The following SHANK2 variants were observed in gnomAD, a reference collection of about 807,000 sequenced individuals.
SHANK2 encodes the protein SH3 and multiple ankyrin repeat domains protein 2.
A neutral mutation model predicts 133.7 loss-of-function variants in SHANK2; 43 were observed. The ratio of observed to expected loss-of-function variants is 0.32; its 90% confidence interval spans 0.25 to 0.41. SHANK2 has a LOEUF of 0.41. Ranked by LOEUF, SHANK2 falls within the 10% of genes least tolerant of loss-of-function variation. SHANK2 has a pLI of 1.00. For missense variants in SHANK2, 1,994 were observed against 2,235.8 expected, an observed-to-expected ratio of 0.89 and a Z score of 2.18; for synonymous variants, 1,017 against 952.8, an observed-to-expected ratio of 1.07 and a Z score of -1.24.
chr11:71,239,593 T>C (rs1417146480), intron 1 of SHANK2, among the ~76,000 whole-genome samples: 1 of 152,088 alleles, frequency 6.6e-6, no homozygotes, highest in Non-Finnish European at 1.5e-5. Flanking sequence ...CCCGAGAAGC[T>C]GGGACTACAG....
rs566048231 is a variant in SHANK2, at chr11:70,949,372, T to C, written c.1108-52805A>G. Among the ~76,000 whole-genome samples, 6 of 152,186 alleles carry C rather than the reference T, an allele frequency of 3.9e-5. No homozygotes were observed. In the East Asian group the frequency reaches 7.8e-4, roughly 20 times the overall value. The stretch of plus-strand genomic sequence containing the variant: ...CAAGCAGCTCCCCGGGGGCGCATCA[T>C]CTTAGCAAACTCTCCCAGGACCCTG... On this transcript the variant is annotated intron_variant, in intron 10 of 25. Coordinates refer to ENST00000601538, the MANE Select transcript of SHANK2 (RefSeq NM_012309.5).
chr11:70,625,274 C>T (rs559834921), intron 17 of SHANK2, among the ~76,000 whole-genome samples: 98 of 152,260 alleles, frequency 6.4e-4, no homozygotes, highest in Admixed American at 4.3e-3. Flanking sequence ...GGGATGCTCC[C>T]AGACCTTTGG....
chr11:70,659,797 A>G (rs1555012720), intron 17 of SHANK2, 31 bp downstream of exon 17: 3 of 1,613,774 alleles, frequency 1.9e-6, no homozygotes, highest in Admixed American at 3.3e-5. Context: ...GCTCTCCCCA[A>G]GCAGAAAGAT....
chr11:70,775,349 G>T (rs35114034), intron 14 of SHANK2, among the ~76,000 whole-genome samples: 2 of 152,034 alleles, frequency 1.3e-5, no homozygotes, highest in Non-Finnish European at 2.9e-5. Context: ...CCAGCTACTC[G>T]GGAGGGTGAG....
chr11:71,185,898 G>A (rs560924930), intron 2 of SHANK2, among the ~76,000 whole-genome samples: 1 of 152,138 alleles, frequency 6.6e-6, no homozygotes, highest in Non-Finnish European at 1.5e-5. Context: ...CAACCCCAGA[G>A]CCTGGAGAGG....
intron 11 of SHANK2, among the ~76,000 whole-genome samples, chr11:70,883,820 A>G (rs1361942965): frequency 1.3e-5 from 2 of 152,182 alleles, no homozygotes; most frequent in Non-Finnish European, 2.9e-5. Flanking sequence ...GGCCCAGGCA[A>G]GGGGAGAAGG....
At chr11:70,710,132 G>A (rs1487113036) in intron 14 of SHANK2, among the ~76,000 whole-genome samples, 3 of 152,136 alleles carry the variant, frequency 2.0e-5, no homozygotes, top group African/African-American at 7.2e-5. Flanking sequence ...AGATGAACGC[G>A]ATTTTAGGGC....
intron 17 of SHANK2, among the ~76,000 whole-genome samples, chr11:70,628,456 C>T (rs578184990): frequency 1.4e-3 from 208 of 152,312 alleles, no homozygotes; most frequent in Non-Finnish European, 2.6e-3. Context: ...GCAAAGTAAG[C>T]ATAGTCACTA....
At position 70,535,569 on chromosome 11, in the gene SHANK2, C is replaced by G. The variant is rs1472604067; in HGVS notation, c.2062-32638G>C. The stretch of plus-strand genomic sequence containing the variant: ...TCATCTGTCTGTTCGTCCATCTCCC[C>G]GTCCTTCTGTCTGCTGGTGCATCTC... On this transcript the variant is annotated intron_variant, in intron 17 of 25. Coordinates refer to ENST00000601538, the MANE Select transcript of SHANK2 (RefSeq NM_012309.5). This position sits in a 1 kb window ranked among gnomAD's most constrained non-coding sequence, Gnocchi z 4.3. Among the ~76,000 whole-genome samples, 1 of 152,270 alleles carries G rather than the reference C, an allele frequency of 6.6e-6. No homozygotes were observed. The highest frequency in any genetic ancestry group is 1.5e-5 in the Non-Finnish European group (1 of 68,050).
intron 10 of SHANK2, among the ~76,000 whole-genome samples, chr11:70,928,682 C>A (rs1950462314): frequency 6.6e-6 from 1 of 151,920 alleles, no homozygotes; most frequent in South Asian, 2.1e-4. Flanking sequence ...CCAATGGGAT[C>A]CATGGGGCAG....
At chr11:70,519,302 C>A (rs782309126) in intron 17 of SHANK2, among the ~76,000 whole-genome samples, 1 of 152,208 alleles carries the variant, frequency 6.6e-6, no homozygotes, top group Non-Finnish European at 1.5e-5. Flanking sequence ...CGGATACTCG[C>A]CTTTCATCAG....
chr11:70,784,343 G>GTTT (rs71049942), intron 14 of SHANK2, among the ~76,000 whole-genome samples: 529 of 42,844 alleles, frequency 0.012, 145 homozygotes, highest in South Asian at 0.022. Context: ...ACACCGGCTA[G>GTTT]TTTTTTTTTT....
intron 6 of SHANK2, among the ~76,000 whole-genome samples, chr11:71,105,140 C>A (rs954364662): frequency 9.2e-5 from 14 of 152,152 alleles, no homozygotes; most frequent in Non-Finnish European, 1.9e-4. Context: ...GGAACATTAT[C>A]CAGCACCAAA....
At chr11:70,676,485 T>C (rs932068877) in intron 15 of SHANK2, among the ~76,000 whole-genome samples, 1 of 152,256 alleles carries the variant, frequency 6.6e-6, no homozygotes, top group Non-Finnish European at 1.5e-5. Context: ...GGCTGCCATC[T>C]TGCCACCATG....
intron 11 of SHANK2, among the ~76,000 whole-genome samples, chr11:70,873,396 C>T (rs1270515053): frequency 6.6e-6 from 1 of 152,178 alleles, no homozygotes; most frequent in Non-Finnish European, 1.5e-5. Flanking sequence ...TTTCAATAGG[C>T]AAACAGGAAA....
At chr11:70,848,547 G>A (rs1949034359) in intron 11 of SHANK2, among the ~76,000 whole-genome samples, 1 of 152,152 alleles carries the variant, frequency 6.6e-6, no homozygotes, top group South Asian at 2.1e-4. Flanking sequence ...GCCCTAAAGT[G>A]CACTGCAGGC....
chr11:70,841,193 C>T (rs1948897433), intron 11 of SHANK2, among the ~76,000 whole-genome samples: 1 of 152,186 alleles, frequency 6.6e-6, no homozygotes, highest in South Asian at 2.1e-4. Context: ...ATCGCTTGAA[C>T]CTGGGAGGCA....
intron 25 of SHANK2, among the ~76,000 whole-genome samples, chr11:70,482,295 C>T (rs952653547): frequency 6.6e-6 from 1 of 151,222 alleles, no homozygotes; most frequent in Admixed American, 6.6e-5. Flanking sequence ...CTGCTGTTAT[C>T]GGCCGCAGGG....
At chr11:70,947,562 C>A (rs1380491540) in intron 10 of SHANK2, among the ~76,000 whole-genome samples, 1 of 152,090 alleles carries the variant, frequency 6.6e-6, no homozygotes, top group African/African-American at 2.4e-5. Flanking sequence ...GACGGGGTTT[C>A]ACCATGTTGG....
Sources: gnomAD v4.1 joint callset for allele counts (sites outside exome capture counted in the v4.1 genomes callset) on GRCh38, gnomAD v4.1.1 for gene constraint, Gnocchi (gnomAD v3.1) non-coding constraint, MANE v1.5 for transcripts, NCBI Gene and HGNC (gene_info 2026-07-23, HGNC 2026-07-21) for gene names.